SGCD: variants seen among roughly 807,000 people sequenced by gnomAD.
The protein encoded by SGCD is sarcoglycan delta, also known as delta-sarcoglycan.
SGCD carries 18 observed loss-of-function variants against 36.6 expected under a neutral mutation model. The observed-to-expected ratio is 0.49, with a 90% CI of 0.34 to 0.73. SGCD has a LOEUF of 0.73. Ranked by LOEUF, SGCD falls within the 30% of genes least tolerant of loss-of-function variation. The pLI is 0.01. For synonymous variants in SGCD, 133 were observed against 130.6 expected, an observed-to-expected ratio of 1.02 and a Z score of -0.12; for missense variants, 387 against 346.7, an observed-to-expected ratio of 1.12 and a Z score of -0.92.
At chr5:156,305,528 G>A (rs1231385323) in intron 3 of SGCD, among the ~76,000 whole-genome samples, 1 of 152,138 alleles carries the variant, frequency 6.6e-6, no homozygotes, top group East Asian at 1.9e-4. Context: ...GCAGGAGTGG[G>A]GCCCTCATGG....
At chr5:156,199,226 T>C (rs561552272) in intron 3 of SGCD, among the ~76,000 whole-genome samples, 1 of 152,260 alleles carries the variant, frequency 6.6e-6, no homozygotes, top group South Asian at 2.1e-4. Flanking sequence ...CAAATAAAGC[T>C]ATCTTGCTTT....
rs79327734 is a variant in SGCD at position 155,979,838 on chromosome 5, C to T, written c.-282+109414C>T. On this transcript the variant is annotated intron_variant, in intron 1 of 9. Transcript: ENST00000517913. Reference sequence around the variant, plus strand: ...CACATTGTGATGATACTGGAGTACCCACTGGGGCTGGCTCAGATGATGGTA... The same window carrying T: ...CACATTGTGATGATACTGGAGTACCTACTGGGGCTGGCTCAGATGATGGTA... 7.6e-4 allele frequency among the ~76,000 whole-genome samples: 116 copies of T among 152,246 alleles called. 1 individual carries two copies. In the East Asian group the frequency reaches 0.022, roughly 29 times the overall value.
At chr5:156,541,263 C>G (rs1359103466) in intron 4 of SGCD, among the ~76,000 whole-genome samples, 1 of 152,186 alleles carries the variant, frequency 6.6e-6, no homozygotes, top group Non-Finnish European at 1.5e-5. Flanking sequence ...TGCCCTAAGT[C>G]AGCTAAAAAG....
intron 3 of SGCD, among the ~76,000 whole-genome samples, chr5:156,159,156 A>G (rs1763030152): frequency 6.6e-6 from 1 of 151,644 alleles, no homozygotes; most frequent in South Asian, 2.1e-4. Flanking sequence ...TTGCAAGATT[A>G]TTTGGAAGGT....
At chr5:156,139,029 A>G (rs115832022) in intron 3 of SGCD, among the ~76,000 whole-genome samples, 3,124 of 152,238 alleles carry the variant, frequency 0.021, 45 homozygotes, top group Non-Finnish European at 0.035. Context: ...TGGATTGTTT[A>G]CCTTTTTATT....
intron 3 of SGCD, among the ~76,000 whole-genome samples, chr5:156,178,836 G>A (rs1489470209): frequency 6.6e-6 from 1 of 152,154 alleles, no homozygotes; most frequent in African/African-American, 2.4e-5. Flanking sequence ...AAAGTGCTGG[G>A]ATTACAGGTG....
At chr5:156,601,517 A>G (rs1340744315) in intron 6 of SGCD, among the ~76,000 whole-genome samples, 1 of 152,132 alleles carries the variant, frequency 6.6e-6, no homozygotes, top group Non-Finnish European at 1.5e-5. Flanking sequence ...GCCAAGTACC[A>G]TGTTGTTTTG....
chr5:156,443,771 A>G (rs1753607885), intron 3 of SGCD, among the ~76,000 whole-genome samples: 1 of 152,116 alleles, frequency 6.6e-6, no homozygotes, highest in Non-Finnish European at 1.5e-5. Flanking sequence ...TTGTCATGAA[A>G]TAGCTTCTAG....
intron 3 of SGCD, among the ~76,000 whole-genome samples, chr5:156,127,387 C>G (rs75038019): frequency 6.6e-5 from 10 of 151,914 alleles, no homozygotes; most frequent in Non-Finnish European, 1.0e-4. Context: ...GAAGATTGCA[C>G]GAGGTCAGGA....
At chr5:156,641,501 A>G (rs1197384509) in intron 6 of SGCD, among the ~76,000 whole-genome samples, 1 of 152,210 alleles carries the variant, frequency 6.6e-6, no homozygotes, top group African/African-American at 2.4e-5. Flanking sequence ...TTCCTGGTAA[A>G]TATCATGGGA....
At chr5:156,547,386 A>G (rs1478358786) in intron 4 of SGCD, among the ~76,000 whole-genome samples, 3 of 151,990 alleles carry the variant, frequency 2.0e-5, no homozygotes, top group Non-Finnish European at 4.4e-5. Flanking sequence ...TATTCCAGAG[A>G]TGTTCTGTAA....
At chr5:156,277,966 G>A in intron 3 of SGCD, among the ~76,000 whole-genome samples, 1 of 152,220 alleles carries the variant, frequency 6.6e-6, no homozygotes, top group Non-Finnish European at 1.5e-5. Flanking sequence ...AAGCAGTAAA[G>A]GAAGCACTGA....
At chr5:156,252,687 A>C (rs1298133468) in intron 3 of SGCD, among the ~76,000 whole-genome samples, 1 of 152,252 alleles carries the variant, frequency 6.6e-6, no homozygotes, top group African/African-American at 2.4e-5. Context: ...GCAGTTTACC[A>C]GCAAGCAGGG....
At chr5:156,504,070 G>C (rs1156787214) in intron 3 of SGCD, among the ~76,000 whole-genome samples, 1 of 151,876 alleles carries the variant, frequency 6.6e-6, no homozygotes, top group East Asian at 1.9e-4. Flanking sequence ...CAGGCATAGT[G>C]GTGGGCACCT....
intron 7 of SGCD, among the ~76,000 whole-genome samples, chr5:156,698,787 A>G (rs1003970799): frequency 6.6e-6 from 1 of 151,798 alleles, no homozygotes; most frequent in Non-Finnish European, 1.5e-5. Flanking sequence ...CTCTGTCTGT[A>G]CAAGAGAAGT....
intron 1 of SGCD, among the ~76,000 whole-genome samples, chr5:156,071,042 C>G (rs1431850645): frequency 1.3e-5 from 2 of 152,094 alleles, no homozygotes; most frequent in African/African-American, 2.4e-5. Flanking sequence ...ATTAGTCTTG[C>G]TAGCGGTCTA....
At chr5:155,787,503 G>A in the SGCD span, among the ~76,000 whole-genome samples, 1 of 152,104 alleles carries the variant, frequency 6.6e-6, no homozygotes, top group Admixed American at 6.6e-5. Context: ...GCTTTCAAGG[G>A]AATCAGCTCG....
chr5:156,334,213 A>C (rs935482445), intron 2 of SGCD, among the ~76,000 whole-genome samples: 2 of 152,122 alleles, frequency 1.3e-5, no homozygotes, highest in African/African-American at 4.8e-5. Context: ...GGAATCATCC[A>C]TGGGGTTTTA....
chr5:156,276,979 C>T (rs1031853767), intron 3 of SGCD, among the ~76,000 whole-genome samples: 4 of 152,048 alleles, frequency 2.6e-5, no homozygotes, highest in African/African-American at 9.7e-5. Context: ...AAATGTGTTA[C>T]TGTGAAAGAA....
Sources: gnomAD v4.1 joint callset for allele counts (sites outside exome capture counted in the v4.1 genomes callset) on GRCh38, gnomAD v4.1.1 for gene constraint, MANE v1.5 for transcripts, NCBI Gene and HGNC (gene_info 2026-07-23, HGNC 2026-07-21) for gene names.